C1QTNF3: variants seen among roughly 807,000 people sequenced by gnomAD.
C1QTNF3 encodes the protein C1q and TNF related 3, also known as complement C1q tumor necrosis factor-related protein 3.
A neutral mutation model predicts 32.6 loss-of-function variants in C1QTNF3; 26 were observed. That is an observed-to-expected ratio of 0.80 (90% CI 0.58 to 1.11). C1QTNF3 has a LOEUF of 1.11. Among genes scored for constraint, C1QTNF3 ranks in the 50% least tolerant of loss-of-function variants. C1QTNF3 has a pLI of 0.00. For synonymous variants in C1QTNF3, 155 were observed against 146.0 expected (o/e 1.06, Z -0.44); for missense variants, 362 against 398.2 (o/e 0.91, Z 0.77).
At chr5:34,143,195 G>C in the C1QTNF3 span, among the ~76,000 whole-genome samples, 2 of 152,150 alleles carry the variant, frequency 1.3e-5, no homozygotes, top group Admixed American at 1.3e-4. Context: ...CTCAGTAACT[G>C]GTCCTTTAAA....
the C1QTNF3 span, among the ~76,000 whole-genome samples, chr5:34,203,347 A>T: frequency 6.6e-6 from 1 of 152,246 alleles, no homozygotes; most frequent in Non-Finnish European, 1.5e-5. Context: ...TATTAATATT[A>T]ACCTTGAATG....
At chr5:34,040,189 T>A (rs1754833208) in intron 1 of C1QTNF3, among the ~76,000 whole-genome samples, 1 of 152,178 alleles carries the variant, frequency 6.6e-6, no homozygotes, top group Admixed American at 6.5e-5. Flanking sequence ...GACCTCCTTG[T>A]TTATCATCCC....
At position 34,043,162 on chromosome 5, in the gene C1QTNF3, C is replaced by T. The variant is rs1754917470; in HGVS notation, c.-37G>A. ...GAGCCTCAGAGTCTCCCTGAGAAGA[C>T]AGCAGAGCTCCAGGAGCGTGGTCTC... On this transcript the variant is annotated 5_prime_UTR_variant, in exon 1 of 6. Coordinates refer to ENST00000382065, the MANE Select transcript of C1QTNF3 (RefSeq NM_181435.6). 4 of 1,582,350 alleles carry T rather than the reference C, an allele frequency of 2.5e-6. No homozygotes were observed. The highest frequency in any genetic ancestry group is 4.5e-5 in the East Asian group (2 of 44,700).
At chr5:34,047,881 A>G (rs1227910552), upstream of C1QTNF3, among the ~76,000 whole-genome samples, 1 of 152,204 alleles carries the variant, frequency 6.6e-6, no homozygotes, top group African/African-American at 2.4e-5. Flanking sequence ...TATAGATATT[A>G]GATATTGCCA....
intron 1 of C1QTNF3, among the ~76,000 whole-genome samples, chr5:34,039,773 A>G (rs764104339): frequency 2.6e-5 from 4 of 152,230 alleles, no homozygotes; most frequent in Non-Finnish European, 4.4e-5. Flanking sequence ...CAAAGATACT[A>G]AAGTATTTTC....
the C1QTNF3 span, among the ~76,000 whole-genome samples, chr5:34,197,105 A>T: frequency 6.6e-6 from 1 of 152,312 alleles, no homozygotes; most frequent in Non-Finnish European, 1.5e-5. Flanking sequence ...AATATAGATG[A>T]AAAATGAAAT....
chr5:34,203,743 A>AATATTATGCTTACAAGAAAC, the C1QTNF3 span, among the ~76,000 whole-genome samples: 1 of 151,884 alleles, frequency 6.6e-6, no homozygotes, highest in Non-Finnish European at 1.5e-5. Flanking sequence ...ATGATCCAAA[A>AATATTATGCTTACAAGAAAC]ATATTATGCT....
At chr5:34,178,306 A>C in the C1QTNF3 span, among the ~76,000 whole-genome samples, 2 of 152,114 alleles carry the variant, frequency 1.3e-5, no homozygotes, top group Non-Finnish European at 2.9e-5. Context: ...AGAGCTGGTT[A>C]CCTTTTCAAA....
chr5:34,070,040 G>A, the C1QTNF3 span, among the ~76,000 whole-genome samples: 538 of 152,252 alleles, frequency 3.5e-3, 5 homozygotes, highest in African/African-American at 0.013. Context: ...TTAACAGAAA[G>A]TACTTGTGAA....
the C1QTNF3 span, among the ~76,000 whole-genome samples, chr5:34,221,715 T>A: frequency 1.3e-5 from 2 of 151,872 alleles, no homozygotes; most frequent in African/African-American, 4.8e-5. Context: ...TGAAGTCTAG[T>A]ATTTCAATAA....
chr5:34,064,644 G>A, the C1QTNF3 span, among the ~76,000 whole-genome samples: 2 of 152,170 alleles, frequency 1.3e-5, no homozygotes, highest in Admixed American at 6.5e-5. Flanking sequence ...ATCTGGAGGG[G>A]TGGAAGTCAA....
chr5:34,071,394 A>T, the C1QTNF3 span, among the ~76,000 whole-genome samples: 5 of 152,180 alleles, frequency 3.3e-5, no homozygotes, highest in Non-Finnish European at 7.4e-5. Flanking sequence ...TATATCAAAC[A>T]AATTAATAGA....
the C1QTNF3 span, among the ~76,000 whole-genome samples, chr5:34,153,993 C>T: frequency 8.6e-5 from 13 of 150,350 alleles, no homozygotes; most frequent in Admixed American, 8.0e-4. Context: ...ATAGATTAAT[C>T]ACATAATTTT....
the C1QTNF3 span, among the ~76,000 whole-genome samples, chr5:34,122,160 A>G: frequency 6.6e-6 from 1 of 152,118 alleles, no homozygotes; most frequent in Non-Finnish European, 1.5e-5. Flanking sequence ...ACGTTTTGGG[A>G]TTGGGTAGTG....
chr5:34,226,394 CA>C, the C1QTNF3 span, among the ~76,000 whole-genome samples: 2 of 151,372 alleles, frequency 1.3e-5, no homozygotes, highest in African/African-American at 4.8e-5. Flanking sequence ...ATTTTCAGTT[CA>C]AAAAAACACA....
At chr5:34,071,616 T>C in the C1QTNF3 span, among the ~76,000 whole-genome samples, 4 of 152,156 alleles carry the variant, frequency 2.6e-5, no homozygotes, top group Admixed American at 6.5e-5. Context: ...AAAATAAACT[T>C]TAAATAATAG....
chr5:34,133,792 G>A, the C1QTNF3 span, among the ~76,000 whole-genome samples: 2 of 148,188 alleles, frequency 1.3e-5, no homozygotes, highest in Non-Finnish European at 3.0e-5. Flanking sequence ...GAAATGCCAG[G>A]GGCTTCTTTT....
chr5:34,186,998 G>A, the C1QTNF3 span, among the ~76,000 whole-genome samples: 1 of 152,308 alleles, frequency 6.6e-6, no homozygotes, highest in African/African-American at 2.4e-5. Context: ...CCTTGCATTG[G>A]AATAATTCCC....
At chr5:34,170,586 T>A in the C1QTNF3 span, among the ~76,000 whole-genome samples, 1 of 152,156 alleles carries the variant, frequency 6.6e-6, no homozygotes, top group African/African-American at 2.4e-5. Context: ...ATATGTGCAG[T>A]TCTCTGTATA....
Sources: gnomAD v4.1 joint callset for allele counts (sites outside exome capture counted in the v4.1 genomes callset) on GRCh38, gnomAD v4.1.1 for gene constraint, MANE v1.5 for transcripts, NCBI Gene and HGNC (gene_info 2026-07-23, HGNC 2026-07-21) for gene names.